Variants in RWDD4 observed in about 807,000 individuals in gnomAD.
RWDD4 encodes RWD domain-containing protein 4.
In RWDD4, 16 loss-of-function variants were observed where a neutral mutation model predicts 30.0. That is an observed-to-expected ratio of 0.53 (90% CI 0.36 to 0.81). RWDD4 has a LOEUF of 0.81. Ranked by LOEUF, RWDD4 falls within the 30% of genes least tolerant of loss-of-function variation. The pLI is 0.00. For synonymous variants in RWDD4, 45 were observed against 72.1 expected (o/e 0.62, Z 1.90); for missense variants, 170 against 223.9 (o/e 0.76, Z 1.54).
intron 2 of RWDD4, among the ~76,000 whole-genome samples, chr4:183,651,645 G>C (rs1734078794): frequency 6.6e-6 from 1 of 152,138 alleles, no homozygotes; most frequent in African/African-American, 2.4e-5. Context: ...ATGAAAATAA[G>C]ACATCAACTT....
At chr4:183,657,334 A>G (rs1230518915) in intron 1 of RWDD4, among the ~76,000 whole-genome samples, 1 of 152,248 alleles carries the variant, frequency 6.6e-6, no homozygotes, top group African/African-American at 2.4e-5. Flanking sequence ...CTCAAGATAT[A>G]GTACTACTCC....
chr4:183,659,017 A>G lies in RWDD4; in HGVS notation c.-65T>C, dbSNP rs1734302036. The stretch of plus-strand genomic sequence containing the variant: ...GCAACAACGAAGAGAAAGCGAAGGC[A>G]GCGGCCCAGAGGCCGGGCGTCCCCC... On this transcript the variant is annotated 5_prime_UTR_variant, in exon 1 of 8. Transcript: ENST00000326397. The G allele has an allele frequency of 1.7e-6, 2 of 1,192,522 alleles. No individual in the cohort carries two copies. 73.9% of individuals were successfully genotyped at this position (1,192,522 alleles called of 1,614,324 possible).
intron 5 of RWDD4, among the ~76,000 whole-genome samples, chr4:183,648,600 C>T (rs1353424068): frequency 1.3e-5 from 2 of 152,168 alleles, no homozygotes; most frequent in African/African-American, 4.8e-5. Flanking sequence ...ACTTATCACA[C>T]TAAGACCTAA....
intron 4 of RWDD4, 36 bp from the exon 5 acceptor site, chr4:183,649,604 C>T (rs183958262): frequency 8.5e-7 from 1 of 1,175,788 alleles, no homozygotes; most frequent in East Asian, 2.4e-5. Context: ...AGCCTCATAC[C>T]TTACAACTTG....
At chr4:183,654,923 G>T (rs574559715) in intron 2 of RWDD4, among the ~76,000 whole-genome samples, 1 of 151,784 alleles carries the variant, frequency 6.6e-6, no homozygotes, top group Admixed American at 6.6e-5. Context: ...TCCCCATTCC[G>T]CTACTTATAA....
intron 7 of RWDD4, among the ~76,000 whole-genome samples, chr4:183,645,902 T>C (rs1733957714): frequency 6.6e-6 from 1 of 152,224 alleles, no homozygotes; most frequent in South Asian, 2.1e-4. Flanking sequence ...TATCTTTTCT[T>C]TTCTTTTTCT....
chr4:183,654,331 T>C (rs756804165), intron 2 of RWDD4, among the ~76,000 whole-genome samples: 3 of 152,170 alleles, frequency 2.0e-5, no homozygotes, highest in Non-Finnish European at 4.4e-5. Flanking sequence ...CTAGTACTGT[T>C]GGAGGACTCA....
At position 183,646,307 on chromosome 4, in the gene RWDD4, T is replaced by C. The variant is rs760622728; in HGVS notation, c.534+44A>G. On this transcript the variant is annotated intron_variant, in intron 7 of 7. Transcript: ENST00000326397. Reference sequence around the variant, plus strand: ...AAAAAAAAAGATCTAAAATTGAGAGTGCAGGGAAAAGAAGAATGTAAAAGG... The same window carrying C: ...AAAAAAAAAGATCTAAAATTGAGAGCGCAGGGAAAAGAAGAATGTAAAAGG... 2.8e-5 allele frequency: 23 copies of C among 828,476 alleles called. No individual in the cohort carries two copies. In the African/African-American group the frequency reaches 3.7e-4, roughly 13 times the overall value. 51.3% of individuals were successfully genotyped at this position (828,476 alleles called of 1,614,324 possible).
At chr4:183,651,579 A>G (rs1445939818) in intron 2 of RWDD4, among the ~76,000 whole-genome samples, 1 of 152,196 alleles carries the variant, frequency 6.6e-6, no homozygotes, top group Non-Finnish European at 1.5e-5. Context: ...TAACCAGCCT[A>G]CCAGCTTTTC....
At chr4:183,647,284 A>T (rs1733982008) in intron 5 of RWDD4, among the ~76,000 whole-genome samples, 1 of 152,240 alleles carries the variant, frequency 6.6e-6, no homozygotes, top group Non-Finnish European at 1.5e-5. Context: ...TTAAAAATTT[A>T]AACTCAAAAC....
At chr4:183,647,415 CAAG>C (rs1733984630) in intron 5 of RWDD4, among the ~76,000 whole-genome samples, 1 of 152,116 alleles carries the variant, frequency 6.6e-6, no homozygotes, top group African/African-American at 2.4e-5. Context: ...TCTTTCATGC[CAAG>C]AAGAATCGTA....
intron 5 of RWDD4, among the ~76,000 whole-genome samples, chr4:183,647,986 C>T (rs4591646): frequency 0.59 from 90,006 of 151,818 alleles, 27,514 homozygotes; most frequent in African/African-American, 0.74. Context: ...GGCTCAAGCC[C>T]GTAATCCCAG....
At chr4:183,646,750 A>G (rs1264326722) in intron 5 of RWDD4, among the ~76,000 whole-genome samples, 1 of 152,214 alleles carries the variant, frequency 6.6e-6, no homozygotes, top group Non-Finnish European at 1.5e-5. Context: ...TACATTTATG[A>G]TATTGCTATC....
At chr4:183,654,771 G>C (rs1041003041) in intron 2 of RWDD4, among the ~76,000 whole-genome samples, 1 of 152,106 alleles carries the variant, frequency 6.6e-6, no homozygotes, top group African/African-American at 2.4e-5. Flanking sequence ...GATGGTGTAA[G>C]GACTGTTAAG....
At chr4:183,648,495 T>C (rs1019132225) in intron 5 of RWDD4, among the ~76,000 whole-genome samples, 14 of 152,312 alleles carry the variant, frequency 9.2e-5, no homozygotes, top group Middle Eastern at 6.8e-3. Flanking sequence ...TAGAGTTTAT[T>C]ATCTTCTTCT....
chr4:183,646,386 G>A, intron 6 of RWDD4, 33 bp from the exon 7 acceptor site: 2 of 1,434,520 alleles, frequency 1.4e-6, no homozygotes, highest in Non-Finnish European at 2.0e-6. Context: ...ACATCCCAGT[G>A]AATTCCAAAG....
intron 1 of RWDD4, among the ~76,000 whole-genome samples, chr4:183,656,797 G>A (rs6819380): frequency 0.34 from 50,943 of 152,006 alleles, 8,582 homozygotes; most frequent in Middle Eastern, 0.43. Context: ...AGGCCGAGGC[G>A]GGCGGATCAC....
intron 2 of RWDD4, among the ~76,000 whole-genome samples, chr4:183,654,846 A>T (rs954433744): frequency 1.3e-5 from 2 of 152,208 alleles, no homozygotes; most frequent in African/African-American, 4.8e-5. Context: ...CATGCATAAG[A>T]ATCATTTCTA....
Position 183,655,438 on chromosome 4 carries a change from T to C in RWDD4, c.105+443A>G, listed in dbSNP as rs549161028. Among the ~76,000 whole-genome samples the C allele has an allele frequency of 2.8e-3, 428 of 151,362 alleles. 1 individual carries two copies. Among genetic ancestry groups the C allele is most frequent in the Non-Finnish European group, 4.0e-3 (273 of 67,824 alleles). The stretch of plus-strand genomic sequence containing the variant: ...CTGGGACTACAGGCGCCCGCCACCA[T>C]GCCCGGCTAATTTTTTGTATTTTTA... On this transcript the variant is annotated intron_variant, in intron 2 of 7. Coordinates refer to ENST00000326397, the MANE Select transcript of RWDD4 (RefSeq NM_152682.4).
Sources: allele counts gnomAD v4.1 joint callset (sites outside exome capture counted in the v4.1 genomes callset), GRCh38; gene constraint gnomAD v4.1.1; transcripts MANE v1.5; gene names NCBI Gene and HGNC (gene_info 2026-07-23, HGNC 2026-07-21).